Variants in OPLAH observed in about 807,000 individuals in gnomAD.
OPLAH encodes the protein 5-oxoprolinase, ATP-hydrolysing, also known as 5-oxoprolinase.
A neutral mutation model predicts 122.8 loss-of-function variants in OPLAH; 103 were observed. The observed-to-expected ratio is 0.84, with a 90% CI of 0.71 to 0.99. OPLAH has a LOEUF of 0.99. Ranked by LOEUF, OPLAH falls within the 50% of genes least tolerant of loss-of-function variation. The pLI is 0.00. For synonymous variants in OPLAH, 875 were observed against 796.0 expected, an observed-to-expected ratio of 1.10 and a Z score of -1.67; for missense variants, 1,902 against 1,836.5, an observed-to-expected ratio of 1.04 and a Z score of -0.65.
At position 144,055,912 on chromosome 8, in the gene OPLAH, C is replaced by G. The variant is rs782500287; in HGVS notation, c.2124G>C (p.Gln708His). 41 of 1,587,226 alleles carry G rather than the reference C, an allele frequency of 2.6e-5. No homozygotes were observed. In the South Asian group the frequency reaches 4.6e-4, roughly 18 times the overall value. The change falls in exon 16 of 27, where the codon CAG becomes CAC. Residue 708 changes from glutamine to histidine, a missense_variant. By Grantham distance (24) the Gln-to-His change is conservative (BLOSUM62 0). Around this residue, in one of 3 missense-constraint regions of OPLAH, gnomAD observed 1,726 missense variants for 1,642.1 expected, o/e 1.05. Transcript: ENST00000618853. This position sits in a 1 kb window ranked among gnomAD's most constrained non-coding sequence, Gnocchi z 6.5. ...NSTILVEPGC[Q>H]AEVTKTGDIC... ...TGTCCCCTGTCTTGGTCACCTCTGC[C>G]TGGCAACCTGGCTCCACCAGGATGG...
rs1381327557 is a variant in OPLAH at position 144,055,093 on chromosome 8, A to G, written c.2345T>C (p.Leu782Pro). Reference sequence around the variant, plus strand: ...AGGGATGTGGGGGGCATTGGACACCAGCCCCCCATCGGGCCCAAAGAGGGC... The same window carrying G: ...AGGGATGTGGGGGGCATTGGACACCGGCCCCCCATCGGGCCCAAAGAGGGC... ...SCALFGPDGG[L>P]VSNAPHIPVH... is the part of the protein sequence containing the mutation. Residue 782 changes from leucine to proline, a missense_variant, in exon 17 of 27, where the codon CTG becomes CCG. Around this residue, in one of 3 missense-constraint regions of OPLAH, gnomAD observed 1,726 missense variants for 1,642.1 expected, o/e 1.05. Coordinates refer to ENST00000618853, the MANE Select transcript of OPLAH (RefSeq NM_017570.5). The surrounding 1 kb of genome is among the most constrained non-coding windows in gnomAD (Gnocchi z 6.5). 2 of 1,575,824 alleles carry G rather than the reference A, an allele frequency of 1.3e-6. No individual in the cohort carries two copies. The highest frequency in any genetic ancestry group is 1.8e-5 in the Admixed American group (1 of 55,138).
In OPLAH at chr8:144,059,889, G is replaced by A. The variant is rs200542276; in HGVS notation, c.144C>T (p.Thr48=). 253 of 1,612,636 alleles carry A rather than the reference G, an allele frequency of 1.6e-4. No homozygotes were observed. Among genetic ancestry groups the A allele is most frequent in the Non-Finnish European group, 2.1e-4 (242 of 1,179,822 alleles). The change falls in exon 2 of 27, where the codon ACC becomes ACT. Residue 48 remains threonine, a synonymous_variant. Transcript: ENST00000618853. ...EDPANYADAP[T]EGIRRILEQE... Reference sequence around the variant, plus strand: ...GCTCCAGGATGCGGCGGATGCCTTCGGTTGGCGCGTCCGCATAGTTGGCAG... The same window carrying A: ...GCTCCAGGATGCGGCGGATGCCTTCAGTTGGCGCGTCCGCATAGTTGGCAG...
intron 10 of OPLAH, 47 bp downstream of exon 10, chr8:144,057,401 G>C (rs1269423771): frequency 1.3e-6 from 2 of 1,587,358 alleles, no homozygotes; most frequent in South Asian, 1.1e-5. Flanking sequence ...CTGGGGCAGG[G>C]AGCAGGGCTG....
chr8:144,051,690 A>C (rs1835379539), intron 26 of OPLAH, 39 bp downstream of exon 26: 7 of 1,136,640 alleles, frequency 6.2e-6, no homozygotes, highest in Non-Finnish European at 7.2e-6. Flanking sequence ...CCGGGAGGGG[A>C]GGGGAGGGGA....
In OPLAH at chr8:144,057,565, G is replaced by A. The variant is rs781965096; in HGVS notation, c.1305C>T (p.Asn435=). Residue 435 remains asparagine (N), a synonymous_variant, in exon 10 of 27, where the codon AAC becomes AAT. Coordinates refer to ENST00000618853, the MANE Select transcript of OPLAH (RefSeq NM_017570.5). The stretch of plus-strand genomic sequence containing the variant: ...GGCAGGGCCCGTTGGTCAGGAAGCT[G>A]TTGACCTCAGTGGCCACAGCCTCCA... The part of the protein sequence containing the change: ...KALEAVATEV[N]SFLTNGPCPA... The A allele has an allele frequency of 1.3e-5, 21 of 1,585,122 alleles. No homozygotes were observed. The Admixed American group carries it at 2.8e-4, about 21-fold the overall frequency.
chr8:144,060,068 C>A lies in OPLAH; in HGVS notation c.-36G>T, dbSNP rs950763899. 6.3e-7 allele frequency: 1 copy of A among 1,589,382 alleles called. No homozygotes were observed. Among genetic ancestry groups the A allele is most frequent in the Non-Finnish European group, 8.6e-7 (1 of 1,167,642 alleles). On this transcript the variant is annotated 5_prime_UTR_variant, in exon 2 of 27. Transcript: ENST00000618853. ...CTGGAGTCCCACAGGAGCTCTTCAGCTGGTAGCCCTGGAAAAACTGGACGG... is the reference window on the plus strand; with the variant it reads ...CTGGAGTCCCACAGGAGCTCTTCAGATGGTAGCCCTGGAAAAACTGGACGG...
chr8:144,052,971 C>A lies in OPLAH; in HGVS notation c.3018+12G>T. The A allele has an allele frequency of 6.3e-7, 1 of 1,591,910 alleles. No homozygotes were observed. Among genetic ancestry groups the A allele is most frequent in the African/African-American group, 1.3e-5 (1 of 74,690 alleles). ...GCCCCTGCCGCCTAGAGGCACTCTC[C>A]CCACGGCCCACCTGACTCAGGCTGA... On this transcript the variant is annotated intron_variant, in intron 21 of 26. Transcript: ENST00000618853.
intron 15 of OPLAH, 60 bp downstream of exon 15, chr8:144,056,087 C>T (rs956913479): frequency 7.7e-6 from 12 of 1,553,372 alleles, no homozygotes; most frequent in Middle Eastern, 2.1e-4. Flanking sequence ...GAGAACCCTG[C>T]ACCAGGGGCC....
upstream of OPLAH, among the ~76,000 whole-genome samples, chr8:144,062,942 C>T (rs923043906): frequency 7.3e-5 from 11 of 151,692 alleles, no homozygotes; most frequent in Non-Finnish European, 1.3e-4. Context: ...CTGCGCGTCT[C>T]GGGGGCAGAC....
At chr8:144,051,187 G>A (rs1306303225), downstream of OPLAH, 16 of 1,445,186 alleles carry the variant, frequency 1.1e-5, 1 homozygote, top group South Asian at 1.3e-4. Flanking sequence ...CTGCAGCTCC[G>A]AGTCTCAGTG....
chr8:144,057,822 G>T (rs1835561481), intron 9 of OPLAH, 34 bp downstream of exon 9: 2 of 1,605,628 alleles, frequency 1.2e-6, no homozygotes, highest in African/African-American at 1.3e-5. Flanking sequence ...GCAAGCGGAG[G>T]GCAAGGCCAG....
At chr8:144,056,918 C>T (rs1554759355) in intron 12 of OPLAH, 30 bp downstream of exon 12, 2 of 1,549,998 alleles carry the variant, frequency 1.3e-6, no homozygotes, top group Non-Finnish European at 1.7e-6. Flanking sequence ...ACAACGTAAG[C>T]CCTCTGTCCA....
chr8:144,063,776 G>A (rs117260747), upstream of OPLAH: 4,300 of 152,560 alleles, frequency 0.028, 135 homozygotes, highest in Non-Finnish European at 0.034. The surrounding 1 kb of genome is among the most constrained non-coding windows in gnomAD (Gnocchi z 4.2). Flanking sequence ...CCAGGAACCC[G>A]GAGCTGCAGA....
chr8:144,055,933 GA>G lies in OPLAH; in HGVS notation c.2102del (p.Ile701ThrfsTer11). 4 of 1,583,520 alleles carry G rather than the reference GA, an allele frequency of 2.5e-6. No individual in the cohort carries two copies. Among genetic ancestry groups the G allele is most frequent in the Non-Finnish European group, 3.4e-6 (4 of 1,164,596 alleles). Reference sequence around the variant, plus strand: ...CTGCCTGGCAACCTGGCTCCACCAGGATGGTGCTGGGGAGCAGAGGGCACAG... The same window carrying G: ...CTGCCTGGCAACCTGGCTCCACCAGGTGGTGCTGGGGAGCAGAGGGCACAG... ...PCLIIDSNSTILVEPGCQAEV... is the reference protein window; with the variant it reads ...PCLIIDSNSTXLVEPGCQAEV... On this transcript the variant is annotated frameshift_variant, in exon 16 of 27. Coordinates refer to ENST00000618853, the MANE Select transcript of OPLAH (RefSeq NM_017570.5). LOFTEE classifies it high-confidence loss of function. The surrounding 1 kb of genome is among the most constrained non-coding windows in gnomAD (Gnocchi z 6.5).
In OPLAH at chr8:144,052,865, C is replaced by A. The variant is rs1554758037; in HGVS notation, c.3054G>T (p.Pro1018=). 2 of 1,554,254 alleles carry A rather than the reference C, an allele frequency of 1.3e-6. No homozygotes were observed. The highest frequency in any genetic ancestry group is 1.7e-6 in the Non-Finnish European group (2 of 1,149,388). Residue 1018 remains proline, a synonymous_variant, in exon 22 of 27, where the codon CCG becomes CCT. Transcript: ENST00000618853. ...SAVFDFSGTG[P]EVFGNLNAPR... ...GTGCGTTGAGATTACCAAACACCTCCGGCCCAGTGCCGCTGAAGTCAAACA... is the reference window on the plus strand; with the variant it reads ...GTGCGTTGAGATTACCAAACACCTCAGGCCCAGTGCCGCTGAAGTCAAACA...
Position 144,052,325 on chromosome 8 carries a change from C to G in OPLAH, c.3305G>C (p.Gly1102Ala), listed in dbSNP as rs1206623347. ...GCCCAGGGTCACGTTGTTCATGCAG[C>G]CCTGGTGAGGGCACCTGGTCGCTGC... Reference protein sequence around the residue: ...GAFGACAASQGCMNNVTLGNA... With the variant: ...GAFGACAASQACMNNVTLGNA... The change falls in exon 24 of 27, where the codon GGC becomes GCC. Residue 1102 changes from glycine (G) to alanine (A), a missense_variant and splice_region_variant. By Grantham distance (60) the Gly-to-Ala change is moderately conservative. Coordinates refer to ENST00000618853, the MANE Select transcript of OPLAH (RefSeq NM_017570.5). 1.1e-5 allele frequency: 17 copies of G among 1,520,358 alleles called. No homozygotes were observed. The highest frequency in any genetic ancestry group is 7.9e-6 in the Non-Finnish European group (9 of 1,137,140). The allele number at this position is 1,520,358 out of a possible 1,614,324, so 94.2% of individuals were successfully genotyped here.
chr8:144,059,890 G>T lies in OPLAH; in HGVS notation c.143C>A (p.Thr48Asn), dbSNP rs927958679. ...CTCCAGGATGCGGCGGATGCCTTCGGTTGGCGCGTCCGCATAGTTGGCAGG... is the reference window on the plus strand; with the variant it reads ...CTCCAGGATGCGGCGGATGCCTTCGTTTGGCGCGTCCGCATAGTTGGCAGG... ...EDPANYADAP[T>N]EGIRRILEQE... Residue 48 changes from threonine to asparagine, a missense_variant, in exon 2 of 27, where the codon ACC becomes AAC. By Grantham distance (65) the Thr-to-Asn change is moderately conservative (BLOSUM62 0). Transcript: ENST00000618853. The T allele has an allele frequency of 6.2e-7, 1 of 1,612,790 alleles. No homozygotes were observed. Among genetic ancestry groups the T allele is most frequent in the African/African-American group, 1.3e-5 (1 of 75,080 alleles).
In OPLAH at chr8:144,055,135, C is replaced by T. The variant is rs539275646; in HGVS notation, c.2303G>A (p.Arg768His). The T allele has an allele frequency of 2.5e-5, 40 of 1,584,982 alleles. No homozygotes were observed. The highest frequency in any genetic ancestry group is 8.1e-5 in the South Asian group (7 of 86,788). ...RTAISTNIKE[R>H]LDFSCALFGP... ...AAAGAGGGCACAGGAGAAGTCCAGA[C>T]GCTCCTTGATGTTGGTGGAGATGGC... Residue 768 changes from arginine (R) to histidine (H), a missense_variant, in exon 17 of 27, where the codon CGT (arginine) becomes CAT (histidine). Arg to His is a conservative substitution (Grantham distance 29, BLOSUM62 0). Transcript: ENST00000618853. This position sits in a 1 kb window ranked among gnomAD's most constrained non-coding sequence, Gnocchi z 6.5.
At position 144,051,372 on chromosome 8, in the gene OPLAH, T is replaced by A. The variant is rs202100905; in HGVS notation, c.3821A>T (p.Glu1274Val). 394 of 1,607,974 alleles carry A rather than the reference T, an allele frequency of 2.5e-4. 2 individuals are homozygous for A. In the East Asian group the frequency reaches 7.5e-3, roughly 31 times the overall value. The change falls in exon 27 of 27, where the codon GAG becomes GTG. Residue 1274 changes from glutamate (E) to valine (V), a missense_variant. Glu to Val is a moderately radical substitution (Grantham distance 121). Coordinates refer to ENST00000618853, the MANE Select transcript of OPLAH (RefSeq NM_017570.5). The part of the protein sequence containing the change: ...GSPPQALAFP[E>V]HGSVYEYRRA... Reference sequence around the variant, plus strand: ...GCGATACTCATAGACGCTGCCGTGCTCGGGAAAGGCCAGTGCTTGCGGGGG... The same window carrying A: ...GCGATACTCATAGACGCTGCCGTGCACGGGAAAGGCCAGTGCTTGCGGGGG...
Sources: allele counts gnomAD v4.1 joint callset (sites outside exome capture counted in the v4.1 genomes callset), GRCh38; gene constraint gnomAD v4.1.1; regional missense constraint gnomAD v4.1.1; non-coding constraint Gnocchi (gnomAD v3.1); transcripts MANE v1.5; gene names NCBI Gene and HGNC (gene_info 2026-07-23, HGNC 2026-07-21).